Variants in C7 observed in about 807,000 individuals in gnomAD.
C7 encodes complement C7.
A neutral mutation model predicts 104.8 loss-of-function variants in C7; 83 were observed. The observed-to-expected ratio is 0.79, with a 90% CI of 0.66 to 0.95. The LOEUF (loss-of-function observed/expected upper bound fraction) is 0.95. C7 is among the 40% of genes least tolerant of loss of function. C7 has a pLI of 0.00. For missense variants in C7, 1,070 were observed against 1,011.2 expected, an observed-to-expected ratio of 1.06 and a Z score of -0.79; for synonymous variants, 415 against 360.6, an observed-to-expected ratio of 1.15 and a Z score of -1.71.
chr5:40,935,720 G>T (rs1051133411), intron 4 of C7, among the ~76,000 whole-genome samples: 1 of 152,098 alleles, frequency 6.6e-6, no homozygotes, highest in African/African-American at 2.4e-5. Context: ...AGATAGGCAG[G>T]AACTAGATCA....
chr5:40,979,349 C>T (rs928235939), intron 16 of C7, among the ~76,000 whole-genome samples: 1 of 152,010 alleles, frequency 6.6e-6, no homozygotes, highest in Admixed American at 6.6e-5. Context: ...ATTAATGGTC[C>T]CATTTGACTA....
intron 8 of C7, 141 bp from the exon 9 acceptor site, chr5:40,949,763 C>CA: frequency 1.6e-6 from 1 of 627,252 alleles, no homozygotes; most frequent in East Asian, 2.8e-5. Context: ...TCTTCTAGAG[C>CA]ACTTGAAAAT....
At chr5:40,977,189 CTT>C (rs1263351567) in intron 16 of C7, among the ~76,000 whole-genome samples, 1 of 152,164 alleles carries the variant, frequency 6.6e-6, no homozygotes, top group Admixed American at 6.5e-5. Context: ...CACATAAACT[CTT>C]AAAGCAATAC....
In C7 at chr5:40,983,937, C is replaced by A. The variant is rs1409492930; in HGVS notation, c.*2364C>A. On this transcript the variant is annotated 3_prime_UTR_variant, in exon 18 of 18. Transcript: ENST00000313164. ...CATTGCTGAGATTAGAGTCATTTGGCCCTCAGAAGGAACAGACAAAGAGAA... is the reference window on the plus strand; with the variant it reads ...CATTGCTGAGATTAGAGTCATTTGGACCTCAGAAGGAACAGACAAAGAGAA... 6.6e-6 allele frequency among the ~76,000 whole-genome samples: 1 copy of A among 152,028 alleles called. No homozygotes were observed. The highest frequency in any genetic ancestry group is 1.5e-5 in the Non-Finnish European group (1 of 68,014).
At position 40,984,379 on chromosome 5, in the gene C7, G is replaced by A. The variant is rs1741020688; in HGVS notation, c.*2806G>A. ...TACCTAGCAACTAGCCAGGTAACTG[G>A]CTAATCTGATTGAGGGTTGCCCTCT... On this transcript the variant is annotated 3_prime_UTR_variant, in exon 18 of 18. Transcript: ENST00000313164. Among the ~76,000 whole-genome samples, 2 of 152,152 alleles carry A rather than the reference G, an allele frequency of 1.3e-5. No individual in the cohort carries two copies. The highest frequency in any genetic ancestry group is 4.8e-5 in the African/African-American group (2 of 41,446).
intron 2 of C7, among the ~76,000 whole-genome samples, chr5:40,930,260 C>T (rs1047494377): frequency 9.4e-5 from 13 of 138,160 alleles, no homozygotes; most frequent in Non-Finnish European, 1.8e-4. Context: ...GGCTGGAGTG[C>T]AGTGGTGCAA....
chr5:40,929,589 A>G (rs1739633574), intron 2 of C7, among the ~76,000 whole-genome samples: 1 of 152,154 alleles, frequency 6.6e-6, no homozygotes, highest in South Asian at 2.1e-4. Context: ...TGCCCAGCCG[A>G]GGAATGTGCT....
intron 14 of C7, among the ~76,000 whole-genome samples, chr5:40,965,648 A>ATATATATATATTTT: frequency 7.7e-6 from 1 of 130,310 alleles, no homozygotes; most frequent in African/African-American, 3.2e-5. Flanking sequence ...ATATATATAT[A>ATATATATATATTTT]TTTTTTTTTT....
intron 6 of C7, among the ~76,000 whole-genome samples, chr5:40,942,233 AGTAACAG>A (rs1485431392): frequency 1.3e-5 from 2 of 152,306 alleles, no homozygotes; most frequent in Non-Finnish European, 2.9e-5. Context: ...AGGAATATAT[AGTAACAG>A]GTAAAGCATT....
chr5:40,934,295 C>T, intron 3 of C7, 30 bp from the exon 4 acceptor site: 1 of 1,511,358 alleles, frequency 6.6e-7, no homozygotes, highest in Non-Finnish European at 8.9e-7. Flanking sequence ...AACAAATAAA[C>T]AAACAAACCA....
At chr5:40,970,902 C>T (rs1740684807) in intron 14 of C7, among the ~76,000 whole-genome samples, 1 of 152,132 alleles carries the variant, frequency 6.6e-6, no homozygotes, top group East Asian at 1.9e-4. Context: ...TTTCCAGCTT[C>T]ATCCATGTCT....
At chr5:40,947,547 C>T in intron 7 of C7, 55 bp from the exon 8 acceptor site, 1 of 1,588,406 alleles carries the variant, frequency 6.3e-7, no homozygotes, top group Non-Finnish European at 8.6e-7. Flanking sequence ...GAACTATTTC[C>T]ATTGCCTTTT....
chr5:40,948,021 A>G (rs1740089605), intron 8 of C7, among the ~76,000 whole-genome samples, 176 bp downstream of exon 8: 1 of 152,190 alleles, frequency 6.6e-6, no homozygotes, highest in Non-Finnish European at 1.5e-5. Context: ...ATATGGTTTA[A>G]GAAAAGCCTG....
chr5:40,916,913 A>G (rs546787247), intron 1 of C7, among the ~76,000 whole-genome samples: 1 of 152,132 alleles, frequency 6.6e-6, no homozygotes, highest in South Asian at 2.1e-4. Context: ...AGGAGTTTTT[A>G]AGAATATAAT....
intron 1 of C7, among the ~76,000 whole-genome samples, chr5:40,921,746 C>T (rs1161149154): frequency 6.6e-6 from 1 of 151,968 alleles, no homozygotes; most frequent in Non-Finnish European, 1.5e-5. Flanking sequence ...GTGGTAAGAA[C>T]ATACATTGGG....
intron 8 of C7, among the ~76,000 whole-genome samples, 158 bp from the exon 9 acceptor site, chr5:40,949,746 C>T (rs1026730540): frequency 2.6e-5 from 4 of 152,140 alleles, no homozygotes; most frequent in African/African-American, 9.7e-5. Flanking sequence ...TTTTTCTGAT[C>T]TTTGACTCTT....
At chr5:40,927,874 T>C (rs1739591167) in intron 1 of C7, among the ~76,000 whole-genome samples, 1 of 152,142 alleles carries the variant, frequency 6.6e-6, no homozygotes, top group South Asian at 2.1e-4. Flanking sequence ...ACAGCTCTTA[T>C]AGAAAACTGC....
chr5:40,939,282 T>G (rs1739880904), intron 6 of C7, among the ~76,000 whole-genome samples: 1 of 152,198 alleles, frequency 6.6e-6, no homozygotes, highest in African/African-American at 2.4e-5. Context: ...GAAAAATAAT[T>G]GTAGCTACCA....
chr5:40,963,852 G>T (rs948749437), intron 13 of C7, among the ~76,000 whole-genome samples: 1 of 151,978 alleles, frequency 6.6e-6, no homozygotes, highest in African/African-American at 2.4e-5. Context: ...ATATAGTGTG[G>T]AGTAGGAGGG....
Sources: allele counts gnomAD v4.1 joint callset (sites outside exome capture counted in the v4.1 genomes callset), GRCh38; gene constraint gnomAD v4.1.1; transcripts MANE v1.5; gene names NCBI Gene and HGNC (gene_info 2026-07-23, HGNC 2026-07-21).